USP13: variants seen among roughly 807,000 people sequenced by gnomAD.
The protein encoded by USP13 is ubiquitin specific peptidase 13.
Under a neutral mutation model 107.8 loss-of-function variants are expected in USP13, and 68 were observed. That is an observed-to-expected ratio of 0.63 (90% confidence interval 0.52 to 0.77). The LOEUF (loss-of-function observed/expected upper bound fraction) is 0.77, where lower values mean the gene tolerates loss of function less well. Ranked by LOEUF, USP13 falls within the 30% of genes least tolerant of loss-of-function variation. The pLI is 0.00. For missense variants in USP13, 945 were observed against 1,093.3 expected, an observed-to-expected ratio of 0.86 and a Z score of 1.91; for synonymous variants, 377 against 389.5, an observed-to-expected ratio of 0.97 and a Z score of 0.38.
intron 19 of USP13, among the ~76,000 whole-genome samples, chr3:179,777,221 AC>A (rs1471386769): frequency 1.3e-5 from 2 of 151,994 alleles, no homozygotes; most frequent in Non-Finnish European, 2.9e-5. Context: ...GGCTTTAGTG[AC>A]ATGTTTGGAT....
At chr3:179,763,158 C>T (rs1480032415) in intron 17 of USP13, among the ~76,000 whole-genome samples, 3 of 152,138 alleles carry the variant, frequency 2.0e-5, no homozygotes, top group African/African-American at 7.2e-5. Flanking sequence ...GTTTTCCCCC[C>T]CATTCTGGTG....
intron 1 of USP13, among the ~76,000 whole-genome samples, chr3:179,660,659 C>T (rs977675184): frequency 3.9e-5 from 6 of 152,128 alleles, no homozygotes; most frequent in Non-Finnish European, 7.3e-5. Flanking sequence ...ATGCACGTTG[C>T]CTTGCAGTCA....
At chr3:179,724,460 GAAAAA>G (rs10671346) in intron 8 of USP13, among the ~76,000 whole-genome samples, 1 of 85,120 alleles carries the variant, frequency 1.2e-5, no homozygotes, top group Admixed American at 1.2e-4. Context: ...TCTGTCTCAA[GAAAAA>G]AAAAAAAAAA....
At chr3:179,766,216 G>A (rs569074394) in intron 19 of USP13, among the ~76,000 whole-genome samples, 12 of 152,054 alleles carry the variant, frequency 7.9e-5, no homozygotes, top group African/African-American at 2.9e-4. Flanking sequence ...CTGACCTCGT[G>A]ATATGCCTGT....
chr3:179,750,512 A>G (rs1374365823), intron 13 of USP13, among the ~76,000 whole-genome samples: 1 of 151,930 alleles, frequency 6.6e-6, no homozygotes, highest in Non-Finnish European at 1.5e-5. Flanking sequence ...ATAGTAGATT[A>G]GTTGCTTGGG....
chr3:179,660,510 A>C (rs1720426686), intron 1 of USP13, among the ~76,000 whole-genome samples: 1 of 152,308 alleles, frequency 6.6e-6, no homozygotes, highest in East Asian at 1.9e-4. Flanking sequence ...CATGTATTAC[A>C]TTTTATTTGT....
At position 179,742,177 on chromosome 3, in the gene USP13, T is replaced by C. The variant is rs375668008; in HGVS notation, c.1381-20T>C. 92 of 1,614,126 alleles carry C rather than the reference T, an allele frequency of 5.7e-5. No individual in the cohort carries two copies. The highest frequency in any genetic ancestry group is 2.9e-4 in the South Asian group (26 of 91,076). The stretch of plus-strand genomic sequence containing the variant: ...CTCAATATTCATACATTTACTAACC[T>C]GATACAATCCATCCTTCAGAGGAAC... On this transcript the variant is annotated intron_variant, in intron 11 of 20. Transcript: ENST00000263966. The surrounding 1 kb of genome is among the most constrained non-coding windows in gnomAD (Gnocchi z 5.0).
chr3:179,763,122 G>A (rs551651732), intron 17 of USP13, among the ~76,000 whole-genome samples: 18 of 152,170 alleles, frequency 1.2e-4, no homozygotes, highest in African/African-American at 1.2e-4. Flanking sequence ...TTCCAGATAC[G>A]AGTTTCTATG....
intron 10 of USP13, among the ~76,000 whole-genome samples, chr3:179,734,095 G>C (rs1713902366): frequency 6.6e-6 from 1 of 152,166 alleles, no homozygotes; most frequent in Admixed American, 6.5e-5. Context: ...CTTCCAAGTT[G>C]AGTCATTTCT....
intron 10 of USP13, among the ~76,000 whole-genome samples, chr3:179,738,256 G>A (rs1420273445): frequency 1.3e-5 from 2 of 152,240 alleles, no homozygotes; most frequent in Admixed American, 6.5e-5. Context: ...GCAAAGGGAG[G>A]TTTTATGGAA....
rs1715869493 is a variant in USP13, at chr3:179,784,759, G to C, written c.*618G>C. The C allele has an allele frequency of 6.6e-6, 1 of 152,208 alleles. No homozygotes were observed. Among genetic ancestry groups the C allele is most frequent in the Non-Finnish European group, 1.5e-5 (1 of 68,044 alleles). The allele number at this position is 152,208 out of a possible 1,614,324, so 9.4% of individuals were successfully genotyped here. A position where few individuals can be genotyped will look rare whatever the true frequency, so the allele number is the denominator to read the frequency against. ...TGTGAATGTGTGTGAGACTGACTGA[G>C]AGTGTGAGACTTTTACTAGAAAAGT... On this transcript the variant is annotated 3_prime_UTR_variant, in exon 21 of 21. Transcript: ENST00000263966.
chr3:179,701,184 G>T, intron 4 of USP13, 55 bp downstream of exon 4: 1 of 1,354,224 alleles, frequency 7.4e-7, no homozygotes, highest in Non-Finnish European at 9.7e-7. Context: ...TGTCAGGTGT[G>T]TGTGCGTGTG....
At chr3:179,758,710 G>A (rs1166773343) in intron 16 of USP13, among the ~76,000 whole-genome samples, 1 of 152,016 alleles carries the variant, frequency 6.6e-6, no homozygotes, top group Non-Finnish European at 1.5e-5. Context: ...GTGTTAGCCA[G>A]GATGGTCTCC....
At chr3:179,692,175 A>G (rs1335003380) in intron 3 of USP13, among the ~76,000 whole-genome samples, 2 of 152,192 alleles carry the variant, frequency 1.3e-5, no homozygotes, top group Non-Finnish European at 2.9e-5. Context: ...CAAACTGTTA[A>G]TAGTAGCTCT....
chr3:179,774,391 TG>T (rs1397964336), intron 19 of USP13, among the ~76,000 whole-genome samples: 2 of 152,218 alleles, frequency 1.3e-5, no homozygotes, highest in African/African-American at 4.8e-5. Context: ...GTCCGCAGTT[TG>T]TTCCTTCTGA....
In USP13 at chr3:179,764,015, G is replaced by A. The variant is rs764140472; in HGVS notation, c.2106G>A (p.Pro702=). 26 of 1,609,574 alleles carry A rather than the reference G, an allele frequency of 1.6e-5. No individual in the cohort carries two copies. Among genetic ancestry groups the A allele is most frequent in the East Asian group, 9.0e-5 (4 of 44,618 alleles). The stretch of plus-strand genomic sequence containing the variant: ...TATTTTTCTCAGATTTTGCTGAGCC[G>A]CTGACCATGCCTGGTTATGGAGGGG... ...VHMEEPDFAE[P]LTMPGYGGAA... is the part of the protein sequence containing the mutation. Residue 702 remains proline (P), a synonymous_variant, in exon 18 of 21, where the codon CCG becomes CCA. Transcript: ENST00000263966.
At chr3:179,696,529 C>T (rs1404296163) in intron 3 of USP13, among the ~76,000 whole-genome samples, 5 of 152,142 alleles carry the variant, frequency 3.3e-5, no homozygotes, top group Non-Finnish European at 7.4e-5. Flanking sequence ...GACGGGGTTT[C>T]GCCATGTTGG....
At chr3:179,666,868 G>T (rs1720602576) in intron 1 of USP13, among the ~76,000 whole-genome samples, 1 of 152,194 alleles carries the variant, frequency 6.6e-6, no homozygotes. Flanking sequence ...CAGCCCGCAG[G>T]GGGCTAGACT....
At chr3:179,661,806 T>C (rs1400794552) in intron 1 of USP13, among the ~76,000 whole-genome samples, 1 of 152,160 alleles carries the variant, frequency 6.6e-6, no homozygotes, top group Non-Finnish European at 1.5e-5. Flanking sequence ...GGTGGCAAGA[T>C]TCTGATACTG....
Sources: gnomAD v4.1 joint callset for allele counts (sites outside exome capture counted in the v4.1 genomes callset) on GRCh38, gnomAD v4.1.1 for gene constraint, Gnocchi (gnomAD v3.1) non-coding constraint, MANE v1.5 for transcripts, NCBI Gene and HGNC (gene_info 2026-07-23, HGNC 2026-07-21) for gene names.